The following MYT1L variants were observed in gnomAD, a reference collection of about 807,000 sequenced individuals.
MYT1L encodes myelin transcription factor 1 like.
Under a neutral mutation model 126.7 loss-of-function variants are expected in MYT1L, and 12 were observed. The observed-to-expected ratio is 0.09, with a 90% confidence interval of 0.06 to 0.15. MYT1L has a LOEUF of 0.15. MYT1L is among the 10% of genes least tolerant of loss of function. The pLI is 1.00. For synonymous variants in MYT1L, 541 were observed against 604.2 expected (o/e 0.90, Z 1.53); for missense variants, 979 against 1,585.2 (o/e 0.62, Z 6.49).
At chr2:1,926,040 A>T (rs2054185203) in intron 9 of MYT1L, among the ~76,000 whole-genome samples, 1 of 152,182 alleles carries the variant, frequency 6.6e-6, no homozygotes. Flanking sequence ...GCATATTGGC[A>T]TCTGAGCACA....
intron 2 of MYT1L, among the ~76,000 whole-genome samples, chr2:2,207,925 C>T (rs934568892): frequency 2.6e-5 from 4 of 152,180 alleles, no homozygotes; most frequent in African/African-American, 9.7e-5. Context: ...CACCCCGAAG[C>T]ACGTCTCTCT....
At chr2:2,098,993 C>T (rs185042669) in intron 3 of MYT1L, among the ~76,000 whole-genome samples, 3 of 152,266 alleles carry the variant, frequency 2.0e-5, no homozygotes, top group Admixed American at 2.0e-4. Context: ...AGGAAGCAAG[C>T]CCAGCCCAGC....
At chr2:1,980,445 G>A (rs905601024) in intron 5 of MYT1L, among the ~76,000 whole-genome samples, 3 of 151,846 alleles carry the variant, frequency 2.0e-5, no homozygotes, top group Admixed American at 6.6e-5. Context: ...CATCAGGGGC[G>A]CGCTCTCAAT....
intron 10 of MYT1L, among the ~76,000 whole-genome samples, chr2:1,919,767 C>T (rs1444347813): frequency 5.9e-5 from 9 of 152,024 alleles, no homozygotes; most frequent in Non-Finnish European, 2.9e-5. Flanking sequence ...CTCGCTCTGT[C>T]CCCCAGGCTG....
intron 10 of MYT1L, among the ~76,000 whole-genome samples, chr2:1,920,895 G>A (rs934745702): frequency 6.6e-6 from 1 of 152,190 alleles, no homozygotes; most frequent in Non-Finnish European, 1.5e-5. Context: ...ACACTGCAAC[G>A]GGCAAAGCTT....
intron 18 of MYT1L, chr2:1,884,099 A>G (rs190054035): frequency 6.6e-6 from 1 of 152,226 alleles, no homozygotes; most frequent in Non-Finnish European, 1.5e-5. Flanking sequence ...GTCCTGTTAA[A>G]GGCCAAATAT....
intron 14 of MYT1L, among the ~76,000 whole-genome samples, chr2:1,900,386 G>A (rs2050174561): frequency 6.6e-6 from 1 of 151,694 alleles, no homozygotes; most frequent in Non-Finnish European, 1.5e-5. Flanking sequence ...TGCAAGCTCC[G>A]CCTCCCGGGT....
chr2:1,945,134 G>C (rs2057084192), intron 8 of MYT1L, among the ~76,000 whole-genome samples: 1 of 152,220 alleles, frequency 6.6e-6, no homozygotes, highest in Admixed American at 6.5e-5. Flanking sequence ...GCTGGGCCAG[G>C]AGGTGGAGGT....
At chr2:2,194,736 C>G (rs2092726064) in intron 2 of MYT1L, among the ~76,000 whole-genome samples, 1 of 152,156 alleles carries the variant, frequency 6.6e-6, no homozygotes, top group Non-Finnish European at 1.5e-5. Flanking sequence ...ACCAACAACT[C>G]TAAAGCCAAG....
chr2:1,934,727 TACACAC>T (rs56320658), intron 9 of MYT1L, among the ~76,000 whole-genome samples: 1,501 of 138,286 alleles, frequency 0.011, 15 homozygotes, highest in Non-Finnish European at 0.013. Flanking sequence ...CTCTGTCATG[TACACAC>T]ACACACACAC....
intron 4 of MYT1L, among the ~76,000 whole-genome samples, chr2:2,011,206 C>T (rs550794536): frequency 1.2e-4 from 18 of 152,102 alleles, no homozygotes; most frequent in Admixed American, 3.9e-4. Flanking sequence ...CTGGCCAACA[C>T]GGCAAAACCC....
At chr2:1,880,671 C>A (rs888950521) in intron 18 of MYT1L, among the ~76,000 whole-genome samples, 5 of 152,176 alleles carry the variant, frequency 3.3e-5, no homozygotes, top group African/African-American at 1.2e-4. Flanking sequence ...TGTGTGCTTG[C>A]TACCAGTACT....
Position 1,910,496 on chromosome 2 carries a change from G to C in MYT1L, c.1710-149C>G. The stretch of plus-strand genomic sequence containing the variant: ...CTGGCACAGGCAGTCCTGATGGGTG[G>C]ACTGGGAGAGGGGGAGGTAGTCATG... On this transcript the variant is annotated intron_variant, in intron 12 of 24. Transcript: ENST00000647738. The surrounding 1 kb of genome is among the most constrained non-coding windows in gnomAD (Gnocchi z 4.8). 10 of 665,758 alleles carry C rather than the reference G, an allele frequency of 1.5e-5. 1 individual carries two copies. Among genetic ancestry groups the C allele is most frequent in the Non-Finnish European group, 2.7e-5 (10 of 375,906 alleles). 41.2% of individuals were successfully genotyped at this position (665,758 alleles called of 1,614,324 possible). A position where few individuals can be genotyped will look rare whatever the true frequency, so the allele number is the denominator to read the frequency against.
At chr2:1,975,027 C>A (rs939618661) in intron 8 of MYT1L, among the ~76,000 whole-genome samples, 7 of 152,134 alleles carry the variant, frequency 4.6e-5, no homozygotes, top group Admixed American at 1.3e-4. Context: ...AATATTATAA[C>A]CTTACTCCTA....
chr2:2,013,945 G>T (rs114396284), intron 4 of MYT1L, among the ~76,000 whole-genome samples: 2,313 of 152,334 alleles, frequency 0.015, 52 homozygotes, highest in African/African-American at 0.049. Context: ...TGGTGAAGAA[G>T]TGTTTGCTCC....
chr2:1,969,600 A>G (rs980873596), intron 8 of MYT1L, among the ~76,000 whole-genome samples: 1 of 152,054 alleles, frequency 6.6e-6, no homozygotes, highest in Non-Finnish European at 1.5e-5. Context: ...CCCGCCTCCC[A>G]CTCTGGACGG....
chr2:2,220,285 T>C (rs191960066), intron 2 of MYT1L, among the ~76,000 whole-genome samples: 92 of 152,164 alleles, frequency 6.0e-4, no homozygotes, highest in Non-Finnish European at 9.4e-4. Context: ...AAGAAAAACA[T>C]TGATATGGTT....
chr2:1,897,178 G>A (rs140410351), intron 14 of MYT1L, among the ~76,000 whole-genome samples: 1 of 152,276 alleles, frequency 6.6e-6, no homozygotes, highest in East Asian at 1.9e-4. Flanking sequence ...AAATAAGAGG[G>A]CCTACAGTTA....
At chr2:1,916,638 A>G (rs1573547833) in intron 11 of MYT1L, among the ~76,000 whole-genome samples, 1 of 152,378 alleles carries the variant, frequency 6.6e-6, no homozygotes, top group East Asian at 1.9e-4. Flanking sequence ...GCTTAAGATC[A>G]AAACCCATCT....
Sources: allele counts gnomAD v4.1 joint callset (sites outside exome capture counted in the v4.1 genomes callset), GRCh38; gene constraint gnomAD v4.1.1; non-coding constraint Gnocchi (gnomAD v3.1); transcripts MANE v1.5; gene names NCBI Gene and HGNC (gene_info 2026-07-23, HGNC 2026-07-21).